The following LY96 variants were observed in gnomAD, a reference collection of about 807,000 sequenced individuals.
LY96 encodes lymphocyte antigen 96.
A neutral mutation model predicts 18.9 loss-of-function variants in LY96; 18 were observed. That is an observed-to-expected ratio of 0.95 (90% CI 0.66 to 1.41). The LOEUF (loss-of-function observed/expected upper bound fraction) is 1.41. LY96 is among the 40% of genes most tolerant of loss of function. LY96 has a pLI of 0.00. For synonymous variants in LY96, 66 were observed against 62.6 expected (o/e 1.06, Z -0.26); for missense variants, 175 against 182.4 (o/e 0.96, Z 0.23).
intron 1 of LY96, among the ~76,000 whole-genome samples, chr8:73,999,849 G>T (rs1234257449): frequency 7.2e-5 from 11 of 151,816 alleles, no homozygotes; most frequent in Non-Finnish European, 1.5e-4. Flanking sequence ...AAGTCTTTAG[G>T]GATTTCTATA....
At chr8:74,068,102 A>ATATATATATATATATATATATAT in the LY96 span, among the ~76,000 whole-genome samples, 5 of 139,276 alleles carry the variant, frequency 3.6e-5, no homozygotes, top group African/African-American at 5.7e-5. Context: ...ATATATATAT[A>ATATATATATATATATATATATAT]ACATTTCCTT....
At chr8:74,094,689 T>C in the LY96 span, among the ~76,000 whole-genome samples, 1 of 152,212 alleles carries the variant, frequency 6.6e-6, no homozygotes, top group East Asian at 1.9e-4. Flanking sequence ...ATCATCCGTG[T>C]GAGTATAATG....
At chr8:73,991,716 C>T (rs761956532) in intron 1 of LY96, among the ~76,000 whole-genome samples, 162 bp downstream of exon 1, 3 of 152,132 alleles carry the variant, frequency 2.0e-5, no homozygotes, top group South Asian at 2.1e-4. Flanking sequence ...GGCAGCTGCC[C>T]CATGAGAATG....
chr8:73,991,737 C>T (rs1816009063), intron 1 of LY96, among the ~76,000 whole-genome samples, 183 bp downstream of exon 1: 1 of 152,192 alleles, frequency 6.6e-6, no homozygotes, highest in Non-Finnish European at 1.5e-5. Context: ...TTCTCGACCA[C>T]TCACAGAGCT....
the LY96 span, among the ~76,000 whole-genome samples, chr8:74,091,292 G>A: frequency 3.3e-5 from 5 of 152,160 alleles, no homozygotes; most frequent in African/African-American, 1.2e-4. Context: ...ACCACCTCTT[G>A]CAAGATTGCA....
the LY96 span, among the ~76,000 whole-genome samples, chr8:74,080,507 T>C: frequency 6.6e-6 from 1 of 152,176 alleles, no homozygotes; most frequent in Non-Finnish European, 1.5e-5. Flanking sequence ...CAAAAAATTG[T>C]AGAAGAATTT....
At chr8:74,094,267 G>A in the LY96 span, among the ~76,000 whole-genome samples, 4 of 152,110 alleles carry the variant, frequency 2.6e-5, no homozygotes, top group South Asian at 8.3e-4. Flanking sequence ...GTGTGTGTGT[G>A]TGTGTGTCTG....
chr8:74,077,498 A>G, the LY96 span, among the ~76,000 whole-genome samples: 2 of 152,166 alleles, frequency 1.3e-5, no homozygotes, highest in Non-Finnish European at 2.9e-5. Context: ...TAAGGTGCCT[A>G]GGGATTTGCT....
chr8:74,026,016 G>A (rs1342666925), intron 3 of LY96, among the ~76,000 whole-genome samples: 1 of 151,914 alleles, frequency 6.6e-6, no homozygotes, highest in African/African-American at 2.4e-5. Context: ...TCAAAACAAA[G>A]AAACAAACAA....
downstream of LY96, among the ~76,000 whole-genome samples, chr8:74,031,954 A>T (rs936281332): frequency 4.6e-5 from 7 of 151,926 alleles, no homozygotes; most frequent in Non-Finnish European, 7.4e-5. Context: ...TGAAACCCTC[A>T]TCTCTACTAA....
the LY96 span, among the ~76,000 whole-genome samples, chr8:74,081,039 T>TTTCTTTC: frequency 1.5e-4 from 18 of 119,866 alleles, no homozygotes; most frequent in Non-Finnish European, 2.3e-4. Context: ...TCTTTCTTTC[T>TTTCTTTC]TTCTTTCTTT....
At chr8:74,022,028 A>G (rs1170921114) in intron 3 of LY96, among the ~76,000 whole-genome samples, 1 of 152,202 alleles carries the variant, frequency 6.6e-6, no homozygotes, top group East Asian at 1.9e-4. Flanking sequence ...TATGTAAGAA[A>G]TCTGCACATT....
chr8:73,996,774 T>C lies in LY96; in HGVS notation c.112+5220T>C, dbSNP rs150185344. Reference sequence around the variant, plus strand: ...GGATTTATTTTTTTGAGATGGGGTCTTGCTCTGTTGCCCAGGCTGGAGTGC... The same window carrying C: ...GGATTTATTTTTTTGAGATGGGGTCCTGCTCTGTTGCCCAGGCTGGAGTGC... On this transcript the variant is annotated intron_variant, in intron 1 of 4. Transcript: ENST00000284818. Among the ~76,000 whole-genome samples the C allele has an allele frequency of 1.4e-3, 210 of 152,160 alleles. No individual in the cohort carries two copies. The East Asian group carries it at 0.017, about 12-fold the overall frequency.
intron 3 of LY96, among the ~76,000 whole-genome samples, chr8:74,011,951 T>TAAAACATGCTGAACATC (rs373090437): frequency 4.6e-5 from 7 of 151,704 alleles, no homozygotes; most frequent in African/African-American, 1.7e-4. Context: ...ATAGGTATAT[T>TAAAACATGCTGAACATC]ACTAATCATC....
chr8:74,028,105 C>A (rs187301366), intron 4 of LY96, among the ~76,000 whole-genome samples: 65 of 152,312 alleles, frequency 4.3e-4, no homozygotes, highest in Admixed American at 1.6e-3. Context: ...TTTGTTACAT[C>A]CCATCCTTTG....
intron 4 of LY96, among the ~76,000 whole-genome samples, 187 bp from the exon 5 acceptor site, chr8:74,028,769 A>C (rs1465547718): frequency 2.0e-5 from 3 of 152,204 alleles, no homozygotes; most frequent in Non-Finnish European, 4.4e-5. Context: ...ATAATCTTAT[A>C]ATTGGGAAAT....
chr8:74,095,796 G>A, the LY96 span, among the ~76,000 whole-genome samples: 1 of 152,106 alleles, frequency 6.6e-6, no homozygotes, highest in Non-Finnish European at 1.5e-5. Context: ...ACATGCTCTT[G>A]GAAATCTCAT....
At chr8:74,068,663 T>C in the LY96 span, among the ~76,000 whole-genome samples, 1 of 152,220 alleles carries the variant, frequency 6.6e-6, no homozygotes, top group Non-Finnish European at 1.5e-5. Context: ...GTGGATGGCA[T>C]TGTGGTTTCA....
At chr8:74,041,404 C>G in the LY96 span, among the ~76,000 whole-genome samples, 1 of 152,062 alleles carries the variant, frequency 6.6e-6, no homozygotes, top group African/African-American at 2.4e-5. Context: ...ACAGAATAAC[C>G]GCAATTTTCA....
Sources: allele counts gnomAD v4.1 joint callset (sites outside exome capture counted in the v4.1 genomes callset), GRCh38; gene constraint gnomAD v4.1.1; transcripts MANE v1.5; gene names NCBI Gene and HGNC (gene_info 2026-07-23, HGNC 2026-07-21).